Variants in ZNF638 observed in about 807,000 individuals in gnomAD.
ZNF638 encodes the protein zinc finger protein 638, also known as CTCL tumor antigen se33-1.
Under a neutral mutation model 195.6 loss-of-function variants are expected in ZNF638, and 46 were observed. The ratio of observed to expected loss-of-function variants is 0.24; its 90% CI spans 0.19 to 0.30. The LOEUF is 0.30. Ranked by LOEUF, ZNF638 falls within the 10% of genes least tolerant of loss-of-function variation. The pLI, the probability that ZNF638 is intolerant of heterozygous loss-of-function variation, is 1.00. For synonymous variants in ZNF638, 845 were observed against 772.0 expected (o/e 1.09, Z -1.57); for missense variants, 2,440 against 2,325.3 (o/e 1.05, Z -1.01).
chr2:71,394,874 G>C (rs569959569), intron 10 of ZNF638, among the ~76,000 whole-genome samples: 2 of 152,168 alleles, frequency 1.3e-5, no homozygotes, highest in Non-Finnish European at 2.9e-5. Context: ...TTGCACATCT[G>C]CAAGCCCTCG....
At chr2:71,402,987 C>T (rs1254419779) in intron 16 of ZNF638, among the ~76,000 whole-genome samples, 1 of 152,044 alleles carries the variant, frequency 6.6e-6, no homozygotes, top group Non-Finnish European at 1.5e-5. Flanking sequence ...TTTGAATGAT[C>T]GCAGAGCTCA....
chr2:71,407,919 T>A, intron 19 of ZNF638: 1 of 441,540 alleles, frequency 2.3e-6, no homozygotes, highest in Non-Finnish European at 4.0e-6. Flanking sequence ...TATCCACTCA[T>A]CCATTGATGG....
At position 71,418,647 on chromosome 2, in the gene ZNF638, G is replaced by A; in HGVS notation, c.3299+8G>A. 6.4e-7 allele frequency: 1 copy of A among 1,551,298 alleles called. No individual in the cohort carries two copies. The highest frequency in any genetic ancestry group is 1.3e-5 in the South Asian group (1 of 79,516). On this transcript the variant is annotated splice_region_variant and intron_variant, in intron 21 of 27. Transcript: ENST00000264447. ...AGAATTAGAAAAAGAAAGGTATGTT[G>A]CTTTATGTTTACTAACACTTTTGTA...
chr2:71,405,532 C>A, intron 17 of ZNF638, 69 bp from the exon 18 acceptor site: 1 of 967,308 alleles, frequency 1.0e-6, no homozygotes, highest in Non-Finnish European at 1.6e-6. Context: ...TGTTATAAAT[C>A]TTAACTAAGT....
At chr2:71,400,398 C>G (rs1416182914) in intron 14 of ZNF638, 80 bp from the exon 15 acceptor site, 7 of 1,359,492 alleles carry the variant, frequency 5.1e-6, no homozygotes, top group Non-Finnish European at 7.1e-6. Context: ...TTTCATGTAG[C>G]TACTGTTTAA....
chr2:71,405,241 T>C (rs906208314), intron 17 of ZNF638, among the ~76,000 whole-genome samples: 10 of 152,226 alleles, frequency 6.6e-5, no homozygotes, highest in Non-Finnish European at 8.8e-5. Context: ...GCATTTCTGT[T>C]CTTTCTCATC....
chr2:71,432,054 A>T (rs2080676549), intron 26 of ZNF638, among the ~76,000 whole-genome samples: 1 of 152,218 alleles, frequency 6.6e-6, no homozygotes, highest in Non-Finnish European at 1.5e-5. Flanking sequence ...ACATGCTGCA[A>T]ATCTTTGCTA....
At chr2:71,345,957 C>G (rs1291029044) in intron 1 of ZNF638, among the ~76,000 whole-genome samples, 1 of 152,168 alleles carries the variant, frequency 6.6e-6, no homozygotes, top group East Asian at 1.9e-4. Context: ...TTGTCAGGGG[C>G]AGTTGTCTTA....
intron 1 of ZNF638, among the ~76,000 whole-genome samples, chr2:71,336,400 A>AC (rs2078670750): frequency 7.1e-6 from 1 of 141,112 alleles, no homozygotes; most frequent in African/African-American, 2.6e-5. Flanking sequence ...AAAAAAAAAA[A>AC]CCAAAAAAAC....
chr2:71,351,527 T>C (rs1486058375), intron 2 of ZNF638, among the ~76,000 whole-genome samples: 1 of 152,238 alleles, frequency 6.6e-6, no homozygotes, highest in East Asian at 1.9e-4. Context: ...TTTGTCTGTA[T>C]TCTTGTGACT....
At position 71,366,766 on chromosome 2, in the gene ZNF638, CTG is replaced by C. The variant is rs534652379; in HGVS notation, c.1995+1062_1995+1063del. ...TGGTACAGTTCAGAAGTCAAATACT[CTG>C]TTGTACAGTGTAAAATTTATACTTT... On this transcript the variant is annotated intron_variant, in intron 6 of 27. Coordinates refer to ENST00000264447, the MANE Select transcript of ZNF638 (RefSeq NM_014497.5). Among the ~76,000 whole-genome samples, 36 of 152,186 alleles carry C rather than the reference CTG, an allele frequency of 2.4e-4. No homozygotes were observed. In the South Asian group the frequency reaches 6.4e-3, roughly 27 times the overall value.
intron 5 of ZNF638, among the ~76,000 whole-genome samples, 156 bp from the exon 6 acceptor site, chr2:71,365,273 T>A (rs1345898457): frequency 6.6e-6 from 1 of 151,800 alleles, no homozygotes; most frequent in African/African-American, 2.4e-5. Flanking sequence ...ATAAAGGAAC[T>A]TCATGTAAAA....
At position 71,350,106 on chromosome 2, in the gene ZNF638, C is replaced by T. The variant is rs762633342; in HGVS notation, c.1152C>T (p.Pro384=). The T allele has an allele frequency of 1.2e-6, 2 of 1,614,004 alleles. No individual in the cohort carries two copies. Among genetic ancestry groups the T allele is most frequent in the Non-Finnish European group, 8.5e-7 (1 of 1,180,046 alleles). The change falls in exon 2 of 28, where the codon CCC becomes CCT. Residue 384 remains proline, a synonymous_variant. Coordinates refer to ENST00000264447, the MANE Select transcript of ZNF638 (RefSeq NM_014497.5). ...AGGCTGACATTCCCATTCGGTCTCCCTTTGGTATTGTGAAAGCATCCTGGC... is the reference window on the plus strand; with the variant it reads ...AGGCTGACATTCCCATTCGGTCTCCTTTTGGTATTGTGAAAGCATCCTGGC... ...QSQADIPIRS[P]FGIVKASWLP... is the part of the protein sequence containing the mutation.
chr2:71,332,044 C>G (rs998960377), intron 1 of ZNF638, among the ~76,000 whole-genome samples, 169 bp downstream of exon 1: 2 of 152,180 alleles, frequency 1.3e-5, no homozygotes, highest in Admixed American at 6.5e-5. Context: ...GTTGGGGGAC[C>G]CCCGGGATGG....
At chr2:71,347,757 G>A (rs980847173) in intron 1 of ZNF638, among the ~76,000 whole-genome samples, 1 of 152,132 alleles carries the variant, frequency 6.6e-6, no homozygotes, top group South Asian at 2.1e-4. Flanking sequence ...CTGATGGGCT[G>A]GTCAGCAACC....
chr2:71,376,989 G>T (rs2104335846), intron 8 of ZNF638, among the ~76,000 whole-genome samples: 1 of 152,228 alleles, frequency 6.6e-6, no homozygotes, highest in East Asian at 1.9e-4. Context: ...TAAAGTATCA[G>T]GAGCCCAGTG....
At chr2:71,370,330 T>TA (rs1408285183) in intron 8 of ZNF638, among the ~76,000 whole-genome samples, 1 of 152,188 alleles carries the variant, frequency 6.6e-6, no homozygotes, top group Non-Finnish European at 1.5e-5. Flanking sequence ...TCCCAATTCT[T>TA]ACACCCTCCC....
chr2:71,385,779 A>G (rs114399712), intron 10 of ZNF638, among the ~76,000 whole-genome samples: 1,638 of 152,304 alleles, frequency 0.011, 11 homozygotes, highest in Non-Finnish European at 0.018. Flanking sequence ...CTTTTTTCAT[A>G]CAACTCCATG....
intron 22 of ZNF638, 55 bp from the exon 23 acceptor site, chr2:71,424,587 TCCAGAACA>T: frequency 7.2e-7 from 1 of 1,388,906 alleles, no homozygotes; most frequent in South Asian, 1.3e-5. Context: ...TGTTTTTTTT[TCCAGAACA>T]TTAATAATAT....
Sources: gnomAD v4.1 joint callset for allele counts (sites outside exome capture counted in the v4.1 genomes callset) on GRCh38, gnomAD v4.1.1 for gene constraint, MANE v1.5 for transcripts, NCBI Gene and HGNC (gene_info 2026-07-23, HGNC 2026-07-21) for gene names.